Variants in PANK1 observed in about 807,000 individuals in gnomAD.
PANK1 encodes the protein pantothenate kinase 1.
PANK1 carries 18 observed loss-of-function variants against 40.1 expected under a neutral mutation model. The ratio of observed to expected loss-of-function variants is 0.45; its 90% CI spans 0.31 to 0.67. PANK1 has a LOEUF of 0.67. Ranked by LOEUF, PANK1 falls within the 30% of genes least tolerant of loss-of-function variation. The pLI is 0.06. For missense variants in PANK1, 457 were observed against 599.6 expected, an observed-to-expected ratio of 0.76 and a Z score of 2.48; for synonymous variants, 242 against 237.7, an observed-to-expected ratio of 1.02 and a Z score of -0.17.
At chr10:89,604,692 C>CAA (rs34373242) in intron 2 of PANK1, among the ~76,000 whole-genome samples, 34,989 of 79,620 alleles carry the variant, frequency 0.44, 7,229 homozygotes, top group East Asian at 0.88. Context: ...AACTCCGTCT[C>CAA]AAAAAAAAAA....
intron 1 of PANK1, among the ~76,000 whole-genome samples, chr10:89,616,916 A>AT (rs1202246887): frequency 2.6e-5 from 4 of 151,910 alleles, no homozygotes; most frequent in Non-Finnish European, 5.9e-5. Flanking sequence ...GTGAGACTCC[A>AT]TCTCAAAAAA....
chr10:89,643,933 C>T (rs1842035376), intron 1 of PANK1: 2 of 1,257,586 alleles, frequency 1.6e-6, no homozygotes, highest in Admixed American at 3.1e-5. Context: ...TCAACTCAAC[C>T]TCCCCCTTCG....
At chr10:89,597,050 C>T (rs553864409) in intron 3 of PANK1, among the ~76,000 whole-genome samples, 3 of 152,208 alleles carry the variant, frequency 2.0e-5, no homozygotes, top group African/African-American at 7.2e-5. Context: ...AAACTGACAT[C>T]CTGTGTAGCT....
At chr10:89,590,116 A>G (rs1458073924) in intron 5 of PANK1, among the ~76,000 whole-genome samples, 1 of 152,110 alleles carries the variant, frequency 6.6e-6, no homozygotes, top group African/African-American at 2.4e-5. Context: ...TGAAGTAGAA[A>G]ATGCATAATA....
rs1845172870 is a variant in PANK1, at chr10:89,612,022, C to T, written c.319G>A (p.Gly107Ser). Reference sequence around the variant, plus strand: ...TACACCAATTTAACCAGCGTTCCACCGATGTCCATGCCAAACCATGGGAAT... The same window carrying T: ...TACACCAATTTAACCAGCGTTCCACTGATGTCCATGCCAAACCATGGGAAT... The part of the protein sequence containing the change: ...PPFPWFGMDI[G>S]GTLVKLVYFE... The change falls in exon 2 of 7, where the codon GGT becomes AGT. Residue 107 changes from glycine (G) to serine (S), a missense_variant. Gly to Ser is a moderately conservative substitution (Grantham distance 56, BLOSUM62 0). This residue lies in a region of PANK1 where 286 missense variants were observed against 415.8 expected (regional missense o/e 0.69). Transcript: ENST00000307534. The T allele has an allele frequency of 6.8e-6, 11 of 1,613,466 alleles. No homozygotes were observed. Among genetic ancestry groups the T allele is most frequent in the Non-Finnish European group, 9.3e-6 (11 of 1,179,894 alleles).
At chr10:89,634,804 T>TTATTTGC (rs1219406671) in intron 1 of PANK1, among the ~76,000 whole-genome samples, 2 of 152,194 alleles carry the variant, frequency 1.3e-5, no homozygotes, top group Admixed American at 1.3e-4. Flanking sequence ...TCCACAGTCC[T>TTATTTGC]CTTATTCACT....
At chr10:89,596,157 G>A (rs958151049) in intron 3 of PANK1, among the ~76,000 whole-genome samples, 16 of 152,064 alleles carry the variant, frequency 1.1e-4, no homozygotes, top group Middle Eastern at 3.4e-3. Context: ...ACTACGGTGG[G>A]AACATGTTTT....
intron 1 of PANK1, chr10:89,643,935 C>G: frequency 8.0e-7 from 1 of 1,246,454 alleles, no homozygotes; most frequent in Non-Finnish European, 1.0e-6. Context: ...AACTCAACCT[C>G]CCCCTTCGTT....
chr10:89,619,565 CGAGTGTTCCTGGT>C (rs934016915), intron 1 of PANK1, among the ~76,000 whole-genome samples: 10 of 152,084 alleles, frequency 6.6e-5, no homozygotes, highest in Non-Finnish European at 1.0e-4. Flanking sequence ...GTGTTCCTGG[CGAGTGTTCCTGGT>C]GAGATTCCCT....
chr10:89,633,151 C>A (rs1841701471), intron 1 of PANK1, among the ~76,000 whole-genome samples: 2 of 148,322 alleles, frequency 1.3e-5, no homozygotes, highest in Admixed American at 6.8e-5. Context: ...ATATATATAT[C>A]CATGATGGCC....
intron 6 of PANK1, 100 bp from the exon 7 acceptor site, chr10:89,584,565 T>C: frequency 2.5e-6 from 2 of 787,504 alleles, no homozygotes; most frequent in Non-Finnish European, 4.4e-6. Context: ...AAAGAGAAAT[T>C]TAAAACCTAA....
intron 1 of PANK1, among the ~76,000 whole-genome samples, chr10:89,637,604 C>T (rs1340722117): frequency 1.4e-4 from 22 of 152,218 alleles, no homozygotes; most frequent in Non-Finnish European, 2.9e-4. Flanking sequence ...AGGGCACATA[C>T]AAGAGCTTCC....
chr10:89,644,228 G>A (rs1479096649), intron 1 of PANK1, among the ~76,000 whole-genome samples: 1 of 152,140 alleles, frequency 6.6e-6, no homozygotes, highest in Non-Finnish European at 1.5e-5. Context: ...CCCTCGGTGT[G>A]CCGCCCACTT....
At chr10:89,601,551 A>G (rs1844787494) in intron 2 of PANK1, among the ~76,000 whole-genome samples, 1 of 152,156 alleles carries the variant, frequency 6.6e-6, no homozygotes, top group East Asian at 1.9e-4. Context: ...TTCCTATTTG[A>G]CAACATTTTT....
chr10:89,624,045 C>A (rs764318217), intron 1 of PANK1, among the ~76,000 whole-genome samples: 1 of 152,188 alleles, frequency 6.6e-6, no homozygotes, highest in Non-Finnish European at 1.5e-5. Flanking sequence ...CTGGCACAGC[C>A]CCAGATTCCT....
At chr10:89,640,857 G>C (rs1589824195) in intron 1 of PANK1, among the ~76,000 whole-genome samples, 2 of 152,086 alleles carry the variant, frequency 1.3e-5, no homozygotes, top group East Asian at 3.9e-4. Flanking sequence ...CCTGTCTTTG[G>C]TCACCATGCC....
At chr10:89,642,391 T>C (rs1290729347) in intron 1 of PANK1, among the ~76,000 whole-genome samples, 1 of 152,218 alleles carries the variant, frequency 6.6e-6, no homozygotes, top group African/African-American at 2.4e-5. Context: ...ACACATCTTG[T>C]TGGGACAGAG....
intron 2 of PANK1, 145 bp downstream of exon 2, chr10:89,611,551 T>C (rs1845153102): frequency 3.2e-6 from 2 of 617,686 alleles, no homozygotes; most frequent in South Asian, 2.1e-5. Flanking sequence ...TTTATTCTTG[T>C]ATAGGTGAGA....
intron 2 of PANK1, among the ~76,000 whole-genome samples, chr10:89,609,250 A>G (rs531953797): frequency 3.3e-5 from 5 of 152,232 alleles, no homozygotes; most frequent in African/African-American, 9.6e-5. Context: ...TTTTTAGTAG[A>G]GACAGGGTTA....
Sources: gnomAD v4.1 joint callset for allele counts (sites outside exome capture counted in the v4.1 genomes callset) on GRCh38, gnomAD v4.1.1 for gene constraint, gnomAD v4.1.1 regional missense constraint, MANE v1.5 for transcripts, NCBI Gene and HGNC (gene_info 2026-07-23, HGNC 2026-07-21) for gene names.